KLF12: variants seen among roughly 807,000 people sequenced by gnomAD.
The protein encoded by KLF12 is Krueppel-like factor 12.
KLF12 carries 9 observed loss-of-function variants against 37.8 expected under a neutral mutation model. The ratio of observed to expected loss-of-function variants is 0.24; its 90% CI spans 0.14 to 0.42. The LOEUF (loss-of-function observed/expected upper bound fraction) is 0.42, where lower values mean the gene tolerates loss of function less well. KLF12 is among the 10% of genes least tolerant of loss of function. The pLI, the probability that KLF12 is intolerant of heterozygous loss-of-function variation, is 1.00. For synonymous variants in KLF12, 208 were observed against 202.1 expected, an observed-to-expected ratio of 1.03 and a Z score of -0.25; for missense variants, 411 against 516.0, an observed-to-expected ratio of 0.80 and a Z score of 1.97.
chr13:74,158,284 CA>C, the KLF12 span, among the ~76,000 whole-genome samples: 1 of 152,172 alleles, frequency 6.6e-6, no homozygotes, highest in Non-Finnish European at 1.5e-5. Context: ...CCTGCCTGGC[CA>C]CCCTGTGGGG....
chr13:74,196,665 G>T, the KLF12 span, among the ~76,000 whole-genome samples: 1 of 152,092 alleles, frequency 6.6e-6, no homozygotes, highest in African/African-American at 2.4e-5. Flanking sequence ...TGGTCACAGT[G>T]CCCCCTTTAA....
the KLF12 span, among the ~76,000 whole-genome samples, chr13:74,157,735 G>T: frequency 6.6e-6 from 1 of 152,176 alleles, no homozygotes; most frequent in East Asian, 1.9e-4. Flanking sequence ...AACAGCCTAA[G>T]ATTGGCCAAT....
chr13:74,231,239 G>A, the KLF12 span, among the ~76,000 whole-genome samples: 1 of 151,612 alleles, frequency 6.6e-6, no homozygotes, highest in Non-Finnish European at 1.5e-5. Flanking sequence ...AGGGCTTATC[G>A]CTGAAACTTA....
At chr13:73,852,753 G>T (rs772469516) in intron 3 of KLF12, among the ~76,000 whole-genome samples, 30 of 151,816 alleles carry the variant, frequency 2.0e-4, no homozygotes, top group Non-Finnish European at 7.4e-5. Flanking sequence ...CTCCAGCCTG[G>T]GTGACAGAGC....
the KLF12 span, among the ~76,000 whole-genome samples, chr13:74,226,911 T>C: frequency 6.6e-6 from 1 of 152,098 alleles, no homozygotes; most frequent in Non-Finnish European, 1.5e-5. Flanking sequence ...TGTTTCCCAG[T>C]GTACCCACAG....
At chr13:74,071,976 C>T (rs1566198546) in intron 1 of KLF12, among the ~76,000 whole-genome samples, 2 of 152,058 alleles carry the variant, frequency 1.3e-5, no homozygotes, top group Non-Finnish European at 2.9e-5. Flanking sequence ...CCCCAACCCC[C>T]CCACCTGAAC....
At chr13:73,857,436 A>T (rs973111727) in intron 3 of KLF12, among the ~76,000 whole-genome samples, 1 of 152,218 alleles carries the variant, frequency 6.6e-6, no homozygotes. Flanking sequence ...GGGAAACTTC[A>T]TATGTTAAAA....
the KLF12 span, among the ~76,000 whole-genome samples, chr13:74,200,446 G>C: frequency 2.0e-5 from 3 of 152,246 alleles, no homozygotes; most frequent in Non-Finnish European, 4.4e-5. Flanking sequence ...ATGTGTCATG[G>C]AAGGGTTTAA....
chr13:74,105,719 C>A (rs2138894420), intron 1 of KLF12, among the ~76,000 whole-genome samples: 1 of 152,218 alleles, frequency 6.6e-6, no homozygotes, highest in South Asian at 2.1e-4. Context: ...TGATGGAGGA[C>A]CTTTCCCATG....
chr13:73,738,699 G>C (rs954310015), intron 6 of KLF12, among the ~76,000 whole-genome samples: 4 of 152,144 alleles, frequency 2.6e-5, no homozygotes, highest in African/African-American at 7.2e-5. Context: ...CCCTAAAAAG[G>C]CTGTGTAGGT....
intron 6 of KLF12, among the ~76,000 whole-genome samples, chr13:73,715,794 G>C (rs760414033): frequency 6.6e-6 from 1 of 152,216 alleles, no homozygotes; most frequent in Non-Finnish European, 1.5e-5. Flanking sequence ...GAAAGCAGTG[G>C]TAGGTGAGTA....
intron 5 of KLF12, among the ~76,000 whole-genome samples, chr13:73,809,842 T>C (rs895478843): frequency 1.3e-5 from 2 of 152,158 alleles, no homozygotes; most frequent in Non-Finnish European, 2.9e-5. Flanking sequence ...CTAAATCGTT[T>C]AATGAAAACA....
At chr13:74,112,384 T>TTGTGTGTGTGTGTGTG (rs67487546) in intron 1 of KLF12, among the ~76,000 whole-genome samples, 27 of 145,282 alleles carry the variant, frequency 1.9e-4, no homozygotes, top group African/African-American at 5.7e-4. Context: ...TTTGCAGATA[T>TTGTGTGTGTGTGTGTG]TGTCTGTGTG....
chr13:74,264,514 G>A, the KLF12 span, among the ~76,000 whole-genome samples: 4 of 152,142 alleles, frequency 2.6e-5, no homozygotes, highest in South Asian at 2.1e-4. Flanking sequence ...ATATATGGGA[G>A]GATTTGAAGG....
chr13:73,863,835 T>G (rs888470318), intron 3 of KLF12, among the ~76,000 whole-genome samples: 3 of 152,086 alleles, frequency 2.0e-5, no homozygotes, highest in Non-Finnish European at 4.4e-5. Context: ...GGGCTTGGGG[T>G]GGAACTGGAT....
chr13:73,766,319 G>A (rs923986887), intron 5 of KLF12, among the ~76,000 whole-genome samples: 2 of 152,128 alleles, frequency 1.3e-5, no homozygotes, highest in African/African-American at 4.8e-5. Context: ...GCCAAACTGG[G>A]GCCTAGTGGA....
intron 6 of KLF12, among the ~76,000 whole-genome samples, chr13:73,719,033 A>G (rs1310595430): frequency 6.6e-6 from 1 of 152,230 alleles, no homozygotes; most frequent in East Asian, 1.9e-4. Context: ...AATGACATTC[A>G]ATGGGTAGAT....
At chr13:74,073,595 G>T (rs1481295310) in intron 1 of KLF12, among the ~76,000 whole-genome samples, 1 of 152,026 alleles carries the variant, frequency 6.6e-6, no homozygotes, top group Non-Finnish European at 1.5e-5. Context: ...AAGCTCCATT[G>T]GTATACCCAA....
chr13:74,007,171 G>T (rs2138343146), intron 1 of KLF12, among the ~76,000 whole-genome samples: 2 of 151,746 alleles, frequency 1.3e-5, no homozygotes, highest in East Asian at 3.9e-4. Flanking sequence ...TTTGTAAATA[G>T]GACTGCCTTT....
Sources: allele counts gnomAD v4.1 joint callset (sites outside exome capture counted in the v4.1 genomes callset), GRCh38; gene constraint gnomAD v4.1.1; transcripts MANE v1.5; gene names NCBI Gene and HGNC (gene_info 2026-07-23, HGNC 2026-07-21).